NRG3: variants seen among roughly 807,000 people sequenced by gnomAD.
NRG3 encodes the protein neuregulin 3, also known as pro-neuregulin-3, membrane-bound isoform.
A neutral mutation model predicts 66.9 loss-of-function variants in NRG3; 31 were observed. The observed-to-expected ratio is 0.46, with a 90% CI of 0.35 to 0.63. The LOEUF (loss-of-function observed/expected upper bound fraction) is 0.63, where lower values mean the gene tolerates loss of function less well. Ranked by LOEUF, NRG3 falls within the 20% of genes least tolerant of loss-of-function variation. The pLI is 0.00. For synonymous variants in NRG3, 393 were observed against 359.4 expected (o/e 1.09, Z -1.06); for missense variants, 910 against 878.9 (o/e 1.04, Z -0.45).
intron 3 of NRG3, among the ~76,000 whole-genome samples, chr10:82,828,504 T>G (rs1315216980): frequency 6.6e-6 from 1 of 151,530 alleles, no homozygotes; most frequent in African/African-American, 2.4e-5. Context: ...TGGGTGCCCT[T>G]TTACCTCTGT....
At chr10:82,389,914 A>T (rs2135946717) in intron 2 of NRG3, among the ~76,000 whole-genome samples, 1 of 152,306 alleles carries the variant, frequency 6.6e-6, no homozygotes, top group East Asian at 1.9e-4. Context: ...ATGCTGTGTG[A>T]CAGGCCTATT....
intron 1 of NRG3, among the ~76,000 whole-genome samples, chr10:82,061,872 A>AAAC (rs2064171631): frequency 2.4e-5 from 3 of 127,616 alleles, no homozygotes; most frequent in Admixed American, 1.6e-4. Context: ...CACACACACA[A>AAAC]ACACACACAC....
chr10:82,587,562 G>T (rs899619657), intron 2 of NRG3, among the ~76,000 whole-genome samples: 6 of 152,166 alleles, frequency 3.9e-5, no homozygotes, highest in East Asian at 1.9e-4. Flanking sequence ...TAATGGAGTT[G>T]CACAAGTCTG....
intron 2 of NRG3, among the ~76,000 whole-genome samples, chr10:82,562,646 A>G (rs1045045762): frequency 2.0e-5 from 3 of 152,130 alleles, no homozygotes; most frequent in African/African-American, 4.8e-5. Flanking sequence ...GAAATAACCA[A>G]CTCATGGCTG....
intron 3 of NRG3, among the ~76,000 whole-genome samples, chr10:82,778,565 T>A (rs1328706796): frequency 6.6e-6 from 1 of 152,138 alleles, no homozygotes; most frequent in East Asian, 1.9e-4. Flanking sequence ...TACGATCCAA[T>A]TACCTCCACC....
chr10:82,178,356 A>G (rs1329442259), intron 1 of NRG3, among the ~76,000 whole-genome samples: 8 of 152,142 alleles, frequency 5.3e-5, no homozygotes, highest in Admixed American at 5.2e-4. Flanking sequence ...CTAATACTTT[A>G]TATCTATTGA....
intron 3 of NRG3, among the ~76,000 whole-genome samples, chr10:82,817,927 G>T (rs574539270): frequency 6.6e-6 from 1 of 152,340 alleles, no homozygotes; most frequent in South Asian, 2.1e-4. Flanking sequence ...TGATAAATAA[G>T]TGTGATGAAG....
At chr10:82,822,404 C>T (rs973948714) in intron 3 of NRG3, among the ~76,000 whole-genome samples, 2 of 152,092 alleles carry the variant, frequency 1.3e-5, no homozygotes, top group Non-Finnish European at 2.9e-5. Context: ...GAGGCACTAG[C>T]CAGTGGGTCT....
intron 1 of NRG3, among the ~76,000 whole-genome samples, chr10:82,297,301 G>C (rs2080127424): frequency 6.6e-6 from 1 of 151,826 alleles, no homozygotes; most frequent in Admixed American, 6.6e-5. Context: ...TAGATACTCA[G>C]TAGTAGGATT....
intron 1 of NRG3, among the ~76,000 whole-genome samples, chr10:82,250,511 C>T (rs1156699719): frequency 6.6e-6 from 1 of 152,022 alleles, no homozygotes; most frequent in Non-Finnish European, 1.5e-5. Context: ...ACTTGAACAC[C>T]TGGGAGGCGG....
At chr10:82,321,865 T>G (rs1320204795) in intron 1 of NRG3, among the ~76,000 whole-genome samples, 1 of 152,202 alleles carries the variant, frequency 6.6e-6, no homozygotes, top group African/African-American at 2.4e-5. Context: ...AGACTGACAG[T>G]TGTATTCTTG....
At chr10:82,873,869 T>C (rs1841568649) in intron 4 of NRG3, among the ~76,000 whole-genome samples, 1 of 152,166 alleles carries the variant, frequency 6.6e-6, no homozygotes, top group South Asian at 2.1e-4. Context: ...GATAGCATAA[T>C]ATATTTATGC....
chr10:82,239,543 T>G (rs1426730267), intron 1 of NRG3, among the ~76,000 whole-genome samples: 1 of 152,234 alleles, frequency 6.6e-6, no homozygotes, highest in Non-Finnish European at 1.5e-5. Context: ...TATTTATTGT[T>G]GTTTTAATTT....
In NRG3 at chr10:82,141,705, G is replaced by A. The variant is rs2069794624; in HGVS notation, c.824-217034G>A. Among the ~76,000 whole-genome samples, 2 of 152,082 alleles carry A rather than the reference G, an allele frequency of 1.3e-5. 1 individual carries two copies. Among genetic ancestry groups the A allele is most frequent in the South Asian group, 4.2e-4 (2 of 4,818 alleles). ...TTATTCTGCCAAACCATCATAAAATGCTGAATCTTTCTAGTCAATTTTATT... is the reference window on the plus strand; with the variant it reads ...TTATTCTGCCAAACCATCATAAAATACTGAATCTTTCTAGTCAATTTTATT... On this transcript the variant is annotated intron_variant, in intron 1 of 8. Transcript: ENST00000372141.
In NRG3 at chr10:82,842,437, C is replaced by A. The variant is rs766411760; in HGVS notation, c.1028-22974C>A. 7.6e-4 allele frequency among the ~76,000 whole-genome samples: 115 copies of A among 152,192 alleles called. 1 individual carries two copies. Among genetic ancestry groups the A allele is most frequent in the Non-Finnish European group, 1.3e-3 (87 of 68,002 alleles). ...ATCTAGCCCAGGAACTAGAATATAT[C>A]TTTTTTCTTACATTGGTCAGAACTC... is the stretch of plus-strand genomic sequence containing the variant. On this transcript the variant is annotated intron_variant, in intron 3 of 8. Transcript: ENST00000372141.
chr10:82,340,340 C>G (rs2082622304), intron 1 of NRG3, among the ~76,000 whole-genome samples: 1 of 152,204 alleles, frequency 6.6e-6, no homozygotes, highest in Non-Finnish European at 1.5e-5. Context: ...TCTCCACGAA[C>G]TCTCCTAGAA....
chr10:82,094,909 T>A lies in NRG3; in HGVS notation c.823+218746T>A, dbSNP rs539335682. 1.5e-4 allele frequency among the ~76,000 whole-genome samples: 23 copies of A among 152,296 alleles called. No individual in the cohort carries two copies. In the South Asian group the frequency reaches 4.6e-3, roughly 30 times the overall value. On this transcript the variant is annotated intron_variant, in intron 1 of 8. Transcript: ENST00000372141. ...AGAAGGGTGAGAGGGAGTTGAGGGC[T>A]GTGAAATTACTTAATGGTTACAATG... is the stretch of plus-strand genomic sequence containing the variant.
At chr10:82,515,269 G>T (rs989644503) in intron 2 of NRG3, among the ~76,000 whole-genome samples, 3 of 151,956 alleles carry the variant, frequency 2.0e-5, no homozygotes, top group African/African-American at 4.8e-5. Flanking sequence ...ACAACAACAC[G>T]CACAAAATAA....
intron 2 of NRG3, among the ~76,000 whole-genome samples, chr10:82,719,347 A>G (rs894596899): frequency 3.3e-5 from 5 of 152,232 alleles, no homozygotes; most frequent in South Asian, 4.1e-4. Flanking sequence ...AAAAACATGC[A>G]TGAGTGTTTA....
Sources: gnomAD v4.1 joint callset for allele counts (sites outside exome capture counted in the v4.1 genomes callset) on GRCh38, gnomAD v4.1.1 for gene constraint, MANE v1.5 for transcripts, NCBI Gene and HGNC (gene_info 2026-07-23, HGNC 2026-07-21) for gene names.